Variants in ANGPT2 observed in about 807,000 individuals in gnomAD.
ANGPT2 encodes the protein angiopoietin 2.
ANGPT2 carries 28 observed loss-of-function variants against 62.9 expected under a neutral mutation model. That is an observed-to-expected ratio of 0.44 (90% CI 0.33 to 0.61). The LOEUF is 0.61. ANGPT2 is among the 20% of genes least tolerant of loss of function. The probability of loss-of-function intolerance (pLI) is 0.03; values close to 1 mark genes in which losing one functional copy is unlikely to be tolerated. For missense variants in ANGPT2, 727 were observed against 594.9 expected, an observed-to-expected ratio of 1.22 and a Z score of -2.31; for synonymous variants, 284 against 207.8, an observed-to-expected ratio of 1.37 and a Z score of -3.15.
intron 1 of ANGPT2, among the ~76,000 whole-genome samples, chr8:6,537,787 C>T (rs1164044214): frequency 6.6e-6 from 1 of 152,042 alleles, no homozygotes; most frequent in East Asian, 1.9e-4. Context: ...GAAACTGGCT[C>T]AGTAAAGGAA....
intron 4 of ANGPT2, 141 bp from the exon 5 acceptor site, chr8:6,520,132 T>A: frequency 2.2e-6 from 2 of 897,406 alleles, no homozygotes; most frequent in Non-Finnish European, 3.2e-6. Flanking sequence ...TTTTTAACCT[T>A]TCTAGAAAGT....
chr8:6,549,816 C>G (rs895542212), intron 1 of ANGPT2, among the ~76,000 whole-genome samples: 1 of 152,122 alleles, frequency 6.6e-6, no homozygotes, highest in East Asian at 1.9e-4. Context: ...CGCACAGATA[C>G]AAAAATTTAC....
intron 1 of ANGPT2, among the ~76,000 whole-genome samples, chr8:6,535,388 C>G (rs564901043): frequency 6.6e-6 from 1 of 152,196 alleles, no homozygotes; most frequent in South Asian, 2.1e-4. Flanking sequence ...AATAAAATTT[C>G]TTAACCTGCC....
rs773887087 is a variant in ANGPT2 at position 6,503,195 on chromosome 8, G to C, written c.1394C>G (p.Thr465Arg). The part of the protein sequence containing the change: ...NGMYYPQRQN[T>R]NKFNGIKWYY... ...CCATTTAATGCCGTTGAACTTATTT[G>C]TGTTCTGCCTCTGTGGATAGTACAT... The change falls in exon 9 of 9, where the codon ACA becomes AGA. Residue 465 changes from threonine to arginine, a missense_variant. Thr to Arg is a moderately conservative substitution (Grantham distance 71). Transcript: ENST00000629816. 1.9e-6 allele frequency: 3 copies of C among 1,614,132 alleles called. No individual in the cohort carries two copies. Among genetic ancestry groups the C allele is most frequent in the Admixed American group, 1.7e-5 (1 of 60,014 alleles).
chr8:6,516,840 C>G (rs1230234656), intron 5 of ANGPT2, among the ~76,000 whole-genome samples: 2 of 152,056 alleles, frequency 1.3e-5, no homozygotes, highest in African/African-American at 4.8e-5. Flanking sequence ...CTATCTTGTT[C>G]AGAGAACAAG....
chr8:6,549,478 C>A (rs1172143208), intron 1 of ANGPT2, among the ~76,000 whole-genome samples: 1 of 152,218 alleles, frequency 6.6e-6, no homozygotes, highest in East Asian at 1.9e-4. Context: ...CCTGAGGAAG[C>A]CACGTGCAGG....
At chr8:6,526,241 A>G (rs971697260) in intron 3 of ANGPT2, among the ~76,000 whole-genome samples, 3 of 148,046 alleles carry the variant, frequency 2.0e-5, no homozygotes, top group African/African-American at 7.5e-5. Flanking sequence ...GCAATATGGC[A>G]AAACCTTGCC....
intron 7 of ANGPT2, among the ~76,000 whole-genome samples, chr8:6,510,458 C>G (rs2129566490): frequency 6.6e-6 from 1 of 152,296 alleles, no homozygotes; most frequent in East Asian, 1.9e-4. Context: ...TAATTTCTAA[C>G]AGTTTGTATT....
At chr8:6,533,066 G>A (rs1819827315) in intron 1 of ANGPT2, among the ~76,000 whole-genome samples, 1 of 152,192 alleles carries the variant, frequency 6.6e-6, no homozygotes, top group South Asian at 2.1e-4. Context: ...CCTCCGTATT[G>A]AGTTAATTCG....
At chr8:6,535,481 A>G (rs1293194357) in intron 1 of ANGPT2, among the ~76,000 whole-genome samples, 1 of 152,240 alleles carries the variant, frequency 6.6e-6, no homozygotes, top group Non-Finnish European at 1.5e-5. Flanking sequence ...ATGACTAAGT[A>G]TAGGTTCACA....
intron 1 of ANGPT2, among the ~76,000 whole-genome samples, chr8:6,560,158 T>C (rs531697493): frequency 2.6e-5 from 4 of 152,316 alleles, no homozygotes; most frequent in Admixed American, 1.3e-4. Flanking sequence ...GATTTTGTAG[T>C]GGGTTGTTTT....
At chr8:6,548,520 G>A (rs1823021049) in intron 1 of ANGPT2, among the ~76,000 whole-genome samples, 1 of 152,130 alleles carries the variant, frequency 6.6e-6, no homozygotes, top group African/African-American at 2.4e-5. Flanking sequence ...GCATTTCAGT[G>A]GTCCCAGCAA....
At chr8:6,504,984 A>G (rs1812994062) in intron 8 of ANGPT2, among the ~76,000 whole-genome samples, 1 of 151,840 alleles carries the variant, frequency 6.6e-6, no homozygotes, top group Admixed American at 6.6e-5. Context: ...AGGAACACAT[A>G]CAGTATGATA....
intron 1 of ANGPT2, among the ~76,000 whole-genome samples, chr8:6,539,235 C>A (rs868362276): frequency 6.6e-6 from 1 of 152,234 alleles, no homozygotes; most frequent in African/African-American, 2.4e-5. Flanking sequence ...TTCACATGCC[C>A]TGTGACGTGG....
intron 8 of ANGPT2, among the ~76,000 whole-genome samples, chr8:6,506,001 T>G (rs1269379679): frequency 1.4e-5 from 2 of 141,634 alleles, no homozygotes; most frequent in Non-Finnish European, 3.0e-5. Flanking sequence ...CATATACATA[T>G]TCTTTATATA....
intron 1 of ANGPT2, among the ~76,000 whole-genome samples, chr8:6,533,419 C>T (rs745438290): frequency 5.3e-5 from 8 of 152,110 alleles, no homozygotes; most frequent in Non-Finnish European, 1.2e-4. Context: ...AGTCTTGGTT[C>T]TAGGAAAGTT....
chr8:6,545,228 G>T (rs922507559), intron 1 of ANGPT2, among the ~76,000 whole-genome samples: 17 of 152,296 alleles, frequency 1.1e-4, no homozygotes, highest in African/African-American at 3.1e-4. Context: ...GCCTTCTGGA[G>T]TGCTGAAAAT....
rs1326910688 is a variant in ANGPT2, at chr8:6,532,376, G to T, written c.400C>A (p.Gln134Lys). The change falls in exon 2 of 9, where the codon CAA becomes AAA. Residue 134 changes from glutamine (Q) to lysine (K), a missense_variant. Physicochemically the swap from Gln to Lys is moderately conservative, Grantham distance 53. Transcript: ENST00000629816. ...MIEIGTNLLNQTAEQTRKLTD... is the reference protein window; with the variant it reads ...MIEIGTNLLNKTAEQTRKLTD... ...AACTTCCGCGTTTGCTCCGCTGTTTGGTTCAACAGGTTTGTCCCTATTTCT... is the reference window on the plus strand; with the variant it reads ...AACTTCCGCGTTTGCTCCGCTGTTTTGTTCAACAGGTTTGTCCCTATTTCT... 1 of 1,614,042 alleles carries T rather than the reference G, an allele frequency of 6.2e-7. No individual in the cohort carries two copies. Among genetic ancestry groups the T allele is most frequent in the Non-Finnish European group, 8.5e-7 (1 of 1,179,998 alleles).
rs1254305062 is a variant in ANGPT2 at position 6,546,193 on chromosome 8, G to A, written c.289-13706C>T. On this transcript the variant is annotated intron_variant, in intron 1 of 8. Coordinates refer to ENST00000629816, the MANE Select transcript of ANGPT2 (RefSeq NM_001118887.2). ...TGAGTTAGCACAATTCCCAAACTGT[G>A]TGCCAAGGCACCCTGGGTCCTTGCA... Among the ~76,000 whole-genome samples the A allele has an allele frequency of 4.6e-5, 7 of 152,372 alleles. No homozygotes were observed. The South Asian group carries it at 1.4e-3, about 32-fold the overall frequency.
Sources: allele counts gnomAD v4.1 joint callset (sites outside exome capture counted in the v4.1 genomes callset), GRCh38; gene constraint gnomAD v4.1.1; transcripts MANE v1.5; gene names NCBI Gene and HGNC (gene_info 2026-07-23, HGNC 2026-07-21).